GAS2L3: variants seen among roughly 807,000 people sequenced by gnomAD.
GAS2L3 encodes the protein GAS2-like protein 3.
In GAS2L3, 28 loss-of-function variants were observed where a neutral mutation model predicts 37.0. The ratio of observed to expected loss-of-function variants is 0.76; its 90% CI spans 0.56 to 1.04. GAS2L3 has a LOEUF of 1.04. Among genes scored for constraint, GAS2L3 ranks in the 50% least tolerant of loss-of-function variants. GAS2L3 has a pLI of 0.00. For missense variants in GAS2L3, 793 were observed against 817.6 expected (o/e 0.97, Z 0.37); for synonymous variants, 290 against 296.6 (o/e 0.98, Z 0.23).
Position 100,624,686 on chromosome 12 carries a change from T to G in GAS2L3, c.1881T>G (p.Thr627=), listed in dbSNP as rs1452215934. 2 of 1,613,918 alleles carry G rather than the reference T, an allele frequency of 1.2e-6. No individual in the cohort carries two copies. Among genetic ancestry groups the G allele is most frequent in the Admixed American group, 3.3e-5 (2 of 59,984 alleles). Residue 627 remains threonine, a synonymous_variant, in exon 10 of 10, where the codon ACT becomes ACG. Coordinates refer to ENST00000547754, the MANE Select transcript of GAS2L3 (RefSeq NM_174942.3). ...SLPQSSTKTQ[T]APKSAQTVAK... ...CCCAGTCTTCTACCAAAACACAAAC[T>G]GCACCGAAGTCAGCACAGACTGTCG...
intron 2 of GAS2L3, chr12:100,593,826 T>C (rs532242148): frequency 6.6e-6 from 1 of 152,190 alleles, no homozygotes; most frequent in East Asian, 1.9e-4. Flanking sequence ...TTTGCTGTGG[T>C]GGAGAGAAGG....
intron 1 of GAS2L3, chr12:100,578,857 A>G: frequency 1.4e-6 from 1 of 737,502 alleles, no homozygotes; most frequent in Middle Eastern, 2.5e-4. Context: ...TATGTATGGC[A>G]TCTGACTTTT....
At chr12:100,585,003 C>T (rs1955762040) in intron 1 of GAS2L3, among the ~76,000 whole-genome samples, 1 of 149,796 alleles carries the variant, frequency 6.7e-6, no homozygotes, top group Admixed American at 6.7e-5. Context: ...ATTATCCTGC[C>T]TGAGCCTCCC....
chr12:100,587,950 G>A (rs866116129), intron 1 of GAS2L3, among the ~76,000 whole-genome samples: 17 of 152,274 alleles, frequency 1.1e-4, no homozygotes, highest in South Asian at 1.0e-3. Context: ...TACTCGGGAG[G>A]CTGAGGCAGG....
At chr12:100,597,168 G>T (rs527725671) in intron 3 of GAS2L3, among the ~76,000 whole-genome samples, 3 of 151,864 alleles carry the variant, frequency 2.0e-5, no homozygotes, top group African/African-American at 7.2e-5. Context: ...CTTAATTTAT[G>T]CCCTTCTTTC....
At chr12:100,599,280 C>G (rs931373276) in intron 3 of GAS2L3, among the ~76,000 whole-genome samples, 2 of 152,112 alleles carry the variant, frequency 1.3e-5, no homozygotes, top group Admixed American at 1.3e-4. Flanking sequence ...TTGATACAGC[C>G]TTTTCTATGA....
At chr12:100,586,111 T>C (rs972009316) in intron 1 of GAS2L3, among the ~76,000 whole-genome samples, 18 of 152,196 alleles carry the variant, frequency 1.2e-4, no homozygotes, top group African/African-American at 4.3e-4. Flanking sequence ...CCATTGCATT[T>C]AGGATAATAT....
rs1956341623 is a variant in GAS2L3, at chr12:100,627,254, T to A, written c.*2364T>A. ...CCCTTCCAAAATAAAAGTGTTTTTT[T>A]AATGTTGTTTTGTTTTGTTTTGTTT... On this transcript the variant is annotated 3_prime_UTR_variant, in exon 10 of 10. Transcript: ENST00000547754. 6.6e-6 allele frequency among the ~76,000 whole-genome samples: 1 copy of A among 152,082 alleles called. No individual in the cohort carries two copies. Among genetic ancestry groups the A allele is most frequent in the Admixed American group, 6.6e-5 (1 of 15,256 alleles).
chr12:100,624,915 G>A lies in GAS2L3; in HGVS notation c.*25G>A, dbSNP rs767785588. On this transcript the variant is annotated 3_prime_UTR_variant, in exon 10 of 10. Coordinates refer to ENST00000547754, the MANE Select transcript of GAS2L3 (RefSeq NM_174942.3). ...AATACATACTCATTATAAAAAAAGA[G>A]AAAAGGAAGAATGAATGTGTTAGCT... is the stretch of plus-strand genomic sequence containing the variant. 6 of 1,484,452 alleles carry A rather than the reference G, an allele frequency of 4.0e-6. No individual in the cohort carries two copies. In the Admixed American group the frequency reaches 1.2e-4, roughly 31 times the overall value. 92.0% of individuals were successfully genotyped at this position (1,484,452 alleles called of 1,614,324 possible). A position where few individuals can be genotyped will look rare whatever the true frequency, so the allele number is the denominator to read the frequency against.
rs1294866536 is a variant in GAS2L3 at position 100,626,595 on chromosome 12, C to A, written c.*1705C>A. The A allele has an allele frequency of 6.6e-6, 1 of 152,118 alleles. No individual in the cohort carries two copies. Among genetic ancestry groups the A allele is most frequent in the Non-Finnish European group, 1.5e-5 (1 of 68,008 alleles). 9.4% of individuals were successfully genotyped at this position (152,118 alleles called of 1,614,324 possible). A position where few individuals can be genotyped will look rare whatever the true frequency, so the allele number is the denominator to read the frequency against. On this transcript the variant is annotated 3_prime_UTR_variant, in exon 10 of 10. Coordinates refer to ENST00000547754, the MANE Select transcript of GAS2L3 (RefSeq NM_174942.3). Reference sequence around the variant, plus strand: ...AGGAAGAATTTTATCATCAAGTATTCCCTTATAAAACCAAGTAACACTTCT... The same window carrying A: ...AGGAAGAATTTTATCATCAAGTATTACCTTATAAAACCAAGTAACACTTCT...
chr12:100,595,406 T>TG lies in GAS2L3; in HGVS notation c.18+484_18+485insG, dbSNP rs528713798. ...AAAATTTTAAAGAGTGGGTTTTTTT[T>TG]TTTTTGTTTTGTTTTTTGTGGAGGG... On this transcript the variant is annotated intron_variant, in intron 3 of 9. Transcript: ENST00000547754. 8.6e-5 allele frequency among the ~76,000 whole-genome samples: 13 copies of TG among 151,580 alleles called. No individual in the cohort carries two copies. The South Asian group carries it at 2.7e-3, about 32-fold the overall frequency.
At chr12:100,594,953 AT>A in intron 3 of GAS2L3, 31 bp downstream of exon 3, 1 of 1,029,292 alleles carries the variant, frequency 9.7e-7, no homozygotes, top group Non-Finnish European at 1.4e-6. Context: ...CAATATTTAA[AT>A]TATGAGATTA....
chr12:100,623,606 G>T lies in GAS2L3; in HGVS notation c.801G>T (p.Trp267Cys). The T allele has an allele frequency of 6.2e-7, 1 of 1,612,226 alleles. No homozygotes were observed. Among genetic ancestry groups the T allele is most frequent in the Non-Finnish European group, 8.5e-7 (1 of 1,179,230 alleles). The stretch of plus-strand genomic sequence containing the variant: ...TCATGGTTCGCGTTGGTGGAGGCTG[G>T]GATACTCTTCAAGGATTTTTGCTTA... ...KHVMVRVGGG[W>C]DTLQGFLLKY... The change falls in exon 10 of 10, where the codon TGG becomes TGT. Residue 267 changes from tryptophan to cysteine, a missense_variant. Physicochemically the swap from Trp to Cys is radical, Grantham distance 215. Coordinates refer to ENST00000547754, the MANE Select transcript of GAS2L3 (RefSeq NM_174942.3).
At chr12:100,613,506 G>A (rs188981677) in intron 6 of GAS2L3, among the ~76,000 whole-genome samples, 2 of 152,112 alleles carry the variant, frequency 1.3e-5, no homozygotes, top group Admixed American at 6.5e-5. Context: ...AAACTCAAAT[G>A]TAGGCTTTTT....
At chr12:100,574,161 A>G (rs1955606834) in intron 1 of GAS2L3, among the ~76,000 whole-genome samples, 1 of 152,154 alleles carries the variant, frequency 6.6e-6, no homozygotes, top group African/African-American at 2.4e-5. Flanking sequence ...CAGAGCCCGA[A>G]GGTACTGTGG....
chr12:100,580,216 A>G (rs1955693673), intron 1 of GAS2L3: 1 of 646,434 alleles, frequency 1.5e-6, no homozygotes, highest in African/African-American at 1.8e-5. Context: ...CTACATTGTA[A>G]GATTTTAAAC....
intron 1 of GAS2L3, among the ~76,000 whole-genome samples, chr12:100,588,515 G>A (rs1332518690): frequency 6.6e-6 from 1 of 152,168 alleles, no homozygotes; most frequent in East Asian, 1.9e-4. Flanking sequence ...AAGGGGAAAA[G>A]CAGAACTAAT....
At chr12:100,601,602 T>G (rs762361325) in intron 4 of GAS2L3, 36 bp from the exon 5 acceptor site, 5 of 922,868 alleles carry the variant, frequency 5.4e-6, no homozygotes. Context: ...GTTTTTATGT[T>G]TCTAGAAGAT....
intron 8 of GAS2L3, among the ~76,000 whole-genome samples, chr12:100,621,882 GGAGA>G (rs1205356059): frequency 1.4e-4 from 11 of 81,282 alleles, no homozygotes; most frequent in East Asian, 8.8e-4. Context: ...GGTGGGGGGG[GGAGA>G]GAGAGAGAGA....
Sources: allele counts gnomAD v4.1 joint callset (sites outside exome capture counted in the v4.1 genomes callset), GRCh38; gene constraint gnomAD v4.1.1; transcripts MANE v1.5; gene names NCBI Gene and HGNC (gene_info 2026-07-23, HGNC 2026-07-21).